Variants in TUSC3 observed in about 807,000 individuals in gnomAD.
The protein encoded by TUSC3 is dolichyl-diphosphooligosaccharide--protein glycosyltransferase subunit TUSC3.
TUSC3 carries 45 observed loss-of-function variants against 44.8 expected under a neutral mutation model. The ratio of observed to expected loss-of-function variants is 1.00; its 90% CI spans 0.79 to 1.29. The LOEUF (loss-of-function observed/expected upper bound fraction) is 1.29, where lower values mean the gene tolerates loss of function less well. Among genes scored for constraint, TUSC3 ranks in the 50% most tolerant of loss-of-function variants. The pLI is 0.00. For missense variants in TUSC3, 519 were observed against 437.9 expected, an observed-to-expected ratio of 1.19 and a Z score of -1.65; for synonymous variants, 212 against 152.9, an observed-to-expected ratio of 1.39 and a Z score of -2.85.
intron 1 of TUSC3, among the ~76,000 whole-genome samples, chr8:15,598,678 A>G (rs908437154): frequency 2.0e-5 from 3 of 151,826 alleles, no homozygotes; most frequent in African/African-American, 7.3e-5. Context: ...AATGTCATAA[A>G]GTTGGAATCA....
intron 2 of TUSC3, among the ~76,000 whole-genome samples, chr8:15,646,896 T>G (rs1806657170): frequency 1.3e-5 from 2 of 152,176 alleles, no homozygotes; most frequent in South Asian, 4.1e-4. Context: ...CATCTCACCT[T>G]TCATTGCTTT....
intron 2 of TUSC3, among the ~76,000 whole-genome samples, chr8:15,503,667 C>T (rs1376854613): frequency 6.6e-6 from 1 of 151,984 alleles, no homozygotes; most frequent in Non-Finnish European, 1.5e-5. Context: ...TCGTACCACT[C>T]CACTCCAGCC....
At chr8:15,735,014 C>T (rs565470230) in intron 7 of TUSC3, among the ~76,000 whole-genome samples, 85 of 152,250 alleles carry the variant, frequency 5.6e-4, no homozygotes, top group African/African-American at 1.4e-3. Flanking sequence ...GGGTAACTTA[C>T]GAATTCTTTT....
At chr8:15,417,634 T>C (rs183153225) in intron 1 of TUSC3, among the ~76,000 whole-genome samples, 28 of 152,328 alleles carry the variant, frequency 1.8e-4, no homozygotes, top group African/African-American at 6.5e-4. Context: ...AGGGTAAATA[T>C]ATACTAGAGA....
At chr8:15,441,674 A>G (rs1800021607) in intron 1 of TUSC3, among the ~76,000 whole-genome samples, 1 of 152,142 alleles carries the variant, frequency 6.6e-6, no homozygotes, top group East Asian at 1.9e-4. Flanking sequence ...AACAGAAATT[A>G]TTCAATTATT....
In TUSC3 at chr8:15,759,751, A is replaced by G. The variant is rs148152225; in HGVS notation, c.*46+1896A>G. On this transcript the variant is annotated intron_variant, in intron 10 of 10. Transcript: ENST00000503731. ...TATTTCTCAGTCCTGAATATACATT[A>G]TCAAGTCCTGACCTTTCTCATGACA... 1.9e-3 allele frequency among the ~76,000 whole-genome samples: 295 copies of G among 152,222 alleles called. 1 individual carries two copies. Among genetic ancestry groups the G allele is most frequent in the Non-Finnish European group, 3.3e-3 (224 of 68,016 alleles).
chr8:15,849,774 T>C, the TUSC3 span, among the ~76,000 whole-genome samples: 1 of 150,898 alleles, frequency 6.6e-6, no homozygotes, highest in African/African-American at 2.4e-5. Flanking sequence ...AATGAACTGT[T>C]CCGATTTTAT....
At chr8:15,521,252 A>T (rs1160097535) in intron 2 of TUSC3, among the ~76,000 whole-genome samples, 1 of 151,922 alleles carries the variant, frequency 6.6e-6, no homozygotes, top group African/African-American at 2.4e-5. Context: ...GTTCTTAGGG[A>T]CGCTTGATCC....
At chr8:15,840,654 A>G in the TUSC3 span, among the ~76,000 whole-genome samples, 1 of 152,182 alleles carries the variant, frequency 6.6e-6, no homozygotes, top group African/African-American at 2.4e-5. Context: ...TCTGGTATGA[A>G]AAAAATAGGT....
chr8:15,823,323 T>C, the TUSC3 span, among the ~76,000 whole-genome samples: 1 of 152,092 alleles, frequency 6.6e-6, no homozygotes, highest in Non-Finnish European at 1.5e-5. Flanking sequence ...TAAGCAGCCA[T>C]AACCTCAGTT....
intron 2 of TUSC3, among the ~76,000 whole-genome samples, chr8:15,494,221 G>A (rs1585065058): frequency 6.6e-6 from 1 of 151,650 alleles, no homozygotes; most frequent in African/African-American, 2.4e-5. Flanking sequence ...CGTGGATGTC[G>A]TATGGCGTTT....
chr8:15,625,159 A>T (rs530471846), intron 2 of TUSC3, among the ~76,000 whole-genome samples: 5 of 152,148 alleles, frequency 3.3e-5, no homozygotes, highest in African/African-American at 9.7e-5. Flanking sequence ...TTGATTTTCA[A>T]ATGTTGAACT....
chr8:15,636,633 G>T (rs754048751), intron 2 of TUSC3, among the ~76,000 whole-genome samples: 1 of 152,200 alleles, frequency 6.6e-6, no homozygotes, highest in South Asian at 2.1e-4. Flanking sequence ...CATTAGGTTT[G>T]TGTGTCCCCA....
upstream of TUSC3, among the ~76,000 whole-genome samples, chr8:15,538,501 A>C (rs1801563718): frequency 6.6e-6 from 1 of 152,226 alleles, no homozygotes; most frequent in Non-Finnish European, 1.5e-5. Context: ...GTAGAGCCAG[A>C]CTGTCAATGT....
chr8:15,694,929 T>C (rs1173018113), intron 6 of TUSC3, among the ~76,000 whole-genome samples: 1 of 152,148 alleles, frequency 6.6e-6, no homozygotes, highest in Non-Finnish European at 1.5e-5. Context: ...TCTGGCAGGG[T>C]GCATGCTCGT....
At chr8:15,847,817 C>G in the TUSC3 span, among the ~76,000 whole-genome samples, 1 of 152,070 alleles carries the variant, frequency 6.6e-6, no homozygotes, top group Non-Finnish European at 1.5e-5. Flanking sequence ...TAACACAAGA[C>G]CTGGAACCCA....
At chr8:15,849,469 G>A in the TUSC3 span, among the ~76,000 whole-genome samples, 1 of 152,206 alleles carries the variant, frequency 6.6e-6, no homozygotes, top group African/African-American at 2.4e-5. Context: ...TGAAAGTTAA[G>A]CTCTGGGGAA....
intron 1 of TUSC3, among the ~76,000 whole-genome samples, chr8:15,545,040 A>G (rs577292435): frequency 1.3e-5 from 2 of 151,950 alleles, no homozygotes; most frequent in Admixed American, 1.3e-4. Flanking sequence ...ATTATGTGTT[A>G]CACACATGTA....
intron 1 of TUSC3, among the ~76,000 whole-genome samples, chr8:15,571,963 C>G (rs537505255): frequency 6.6e-6 from 1 of 152,168 alleles, no homozygotes. Context: ...CTTTCTTGTT[C>G]CATTTATAGA....
Sources: allele counts gnomAD v4.1 joint callset (sites outside exome capture counted in the v4.1 genomes callset), GRCh38; gene constraint gnomAD v4.1.1; transcripts MANE v1.5; gene names NCBI Gene and HGNC (gene_info 2026-07-23, HGNC 2026-07-21).